Variants in KIF13A observed in about 807,000 individuals in gnomAD.
The protein encoded by KIF13A is kinesin-like protein KIF13A.
A neutral mutation model predicts 212.2 loss-of-function variants in KIF13A; 79 were observed. The observed-to-expected ratio is 0.37, with a 90% confidence interval of 0.31 to 0.45. The LOEUF (loss-of-function observed/expected upper bound fraction) is 0.45, where lower values mean the gene tolerates loss of function less well. Among genes scored for constraint, KIF13A ranks in the 20% least tolerant of loss-of-function variants. The pLI is 1.00. For synonymous variants in KIF13A, 789 were observed against 808.6 expected, an observed-to-expected ratio of 0.98 and a Z score of 0.41; for missense variants, 1,901 against 2,209.0, an observed-to-expected ratio of 0.86 and a Z score of 2.79.
chr6:17,983,651 C>G (rs1781300941), intron 2 of KIF13A, among the ~76,000 whole-genome samples: 1 of 152,084 alleles, frequency 6.6e-6, no homozygotes, highest in Non-Finnish European at 1.5e-5. Flanking sequence ...TACCACTCGG[C>G]TAATTTTTAT....
At chr6:17,836,540 G>T (rs1765968159) in intron 11 of KIF13A, among the ~76,000 whole-genome samples, 1 of 152,202 alleles carries the variant, frequency 6.6e-6, no homozygotes, top group Non-Finnish European at 1.5e-5. Flanking sequence ...GAACCACATT[G>T]AGATGATGTA....
intron 2 of KIF13A, among the ~76,000 whole-genome samples, chr6:17,933,019 T>C (rs1339477007): frequency 6.6e-6 from 1 of 152,142 alleles, no homozygotes; most frequent in Non-Finnish European, 1.5e-5. Flanking sequence ...TAATTCACAG[T>C]AAGATAAGAA....
At position 17,856,625 on chromosome 6, in the gene KIF13A, G is replaced by A. The variant is rs1284626264; in HGVS notation, c.221-503C>T. Among the ~76,000 whole-genome samples, 1 of 152,146 alleles carries A rather than the reference G, an allele frequency of 6.6e-6. No homozygotes were observed. The highest frequency in any genetic ancestry group is 6.5e-5 in the Admixed American group (1 of 15,274). ...TTCAGCTGCTGTTTGTAGATTCACA[G>A]GCACCCGTCACCTGTGTCCCCACAG... On this transcript the variant is annotated intron_variant, in intron 4 of 38. Transcript: ENST00000259711. The surrounding 1 kb of genome is among the most constrained non-coding windows in gnomAD (Gnocchi z 4.5).
At chr6:17,911,945 AG>A (rs1774107086) in intron 2 of KIF13A, among the ~76,000 whole-genome samples, 2 of 152,022 alleles carry the variant, frequency 1.3e-5, no homozygotes, top group African/African-American at 2.4e-5. Flanking sequence ...TTTGTATTTT[AG>A]TAGAGACGGG....
chr6:17,808,205 G>C (rs1266270681), intron 18 of KIF13A, among the ~76,000 whole-genome samples: 3 of 152,280 alleles, frequency 2.0e-5, no homozygotes, highest in African/African-American at 7.2e-5. Context: ...GGCCAATATG[G>C]CAAAACCCTG....
chr6:17,819,884 G>A (rs1166690596), intron 16 of KIF13A, among the ~76,000 whole-genome samples: 2 of 151,946 alleles, frequency 1.3e-5, no homozygotes, highest in African/African-American at 4.8e-5. Context: ...GAAAGGACAG[G>A]GTGCTACAGT....
intron 2 of KIF13A, among the ~76,000 whole-genome samples, chr6:17,955,476 T>C (rs770578984): frequency 6.6e-6 from 1 of 152,224 alleles, no homozygotes; most frequent in East Asian, 1.9e-4. Context: ...AAATTACCTA[T>C]ACAATAAGTA....
At chr6:17,942,451 T>A (rs1171785823) in intron 2 of KIF13A, among the ~76,000 whole-genome samples, 1 of 152,136 alleles carries the variant, frequency 6.6e-6, no homozygotes, top group Non-Finnish European at 1.5e-5. Flanking sequence ...ATTAGCTGTA[T>A]AATTTCCAAA....
chr6:17,796,014 T>G (rs1273215086), intron 23 of KIF13A, among the ~76,000 whole-genome samples: 1 of 152,206 alleles, frequency 6.6e-6, no homozygotes, highest in Non-Finnish European at 1.5e-5. Flanking sequence ...GAGATGTAGT[T>G]GTTTCAGTCT....
rs1480910293 is a variant in KIF13A at position 17,799,598 on chromosome 6, T to G, written c.2617-159A>C. Among the ~76,000 whole-genome samples the G allele has an allele frequency of 6.6e-6, 1 of 152,188 alleles. No individual in the cohort carries two copies. Among genetic ancestry groups the G allele is most frequent in the African/African-American group, 2.4e-5 (1 of 41,460 alleles). ...ACCGTGACACTAAGGGTTGTATCGA[T>G]AATGAAATCTGTACCACAGTTCTGT... On this transcript the variant is annotated intron_variant, in intron 21 of 38. Coordinates refer to ENST00000259711, the MANE Select transcript of KIF13A (RefSeq NM_022113.6). The surrounding 1 kb of genome is among the most constrained non-coding windows in gnomAD (Gnocchi z 4.4).
rs1300082220 is a variant in KIF13A, at chr6:17,779,035, C to T, written c.4004G>A (p.Gly1335Asp). The T allele has an allele frequency of 2.5e-6, 4 of 1,613,694 alleles. No individual in the cohort carries two copies. Among genetic ancestry groups the T allele is most frequent in the Non-Finnish European group, 3.4e-6 (4 of 1,179,830 alleles). ...ALLAARSENE[G>D]TSDGETYIEK... ...AATGTACGTCTCCCCATCTGATGTG[C>T]CTTCGTTTTCACTCCTTGCTGCCAG... Residue 1335 changes from glycine to aspartate, a missense_variant, in exon 33 of 39, where the codon GGC (glycine) becomes GAC (aspartate). Transcript: ENST00000259711.
chr6:17,950,104 A>T (rs1258079516), intron 2 of KIF13A, among the ~76,000 whole-genome samples: 2 of 152,158 alleles, frequency 1.3e-5, no homozygotes, highest in Non-Finnish European at 2.9e-5. Context: ...TTTTCCTAGG[A>T]TATATAGTCT....
Position 17,899,459 on chromosome 6 carries a change from G to A in KIF13A, c.147-1279C>T, listed in dbSNP as rs2150484438. Among the ~76,000 whole-genome samples, 1 of 152,252 alleles carries A rather than the reference G, an allele frequency of 6.6e-6. No individual in the cohort carries two copies. Among genetic ancestry groups the A allele is most frequent in the African/African-American group, 2.4e-5 (1 of 41,552 alleles). ...AGCAGGATGCTTTTTCTCCATCACTGGGTGCGACACTCCTTACAGAGCTCT... is the reference window on the plus strand; with the variant it reads ...AGCAGGATGCTTTTTCTCCATCACTAGGTGCGACACTCCTTACAGAGCTCT... On this transcript the variant is annotated intron_variant, in intron 2 of 38. Coordinates refer to ENST00000259711, the MANE Select transcript of KIF13A (RefSeq NM_022113.6). This position sits in a 1 kb window ranked among gnomAD's most constrained non-coding sequence, Gnocchi z 5.2.
rs1367513260 is a variant in KIF13A, at chr6:17,849,483, C to T, written c.724G>A (p.Gly242Arg). 12 of 1,612,252 alleles carry T rather than the reference C, an allele frequency of 7.4e-6. No individual in the cohort carries two copies. Among genetic ancestry groups the T allele is most frequent in the Admixed American group, 1.7e-5 (1 of 59,854 alleles). Residue 242 changes from glycine (G) to arginine (R), a missense_variant, in exon 9 of 39, where the codon GGG (glycine) becomes AGG (arginine). By Grantham distance (125) the Gly-to-Arg change is moderately radical. Transcript: ENST00000259711. This position sits in a 1 kb window ranked among gnomAD's most constrained non-coding sequence, Gnocchi z 5.7. Reference sequence around the variant, plus strand: ...AAGCTGACCTTACTGACTTTCTCCCCGGAATTCTAGTTATAGGAAACGAGA... The same window carrying T: ...AAGCTGACCTTACTGACTTTCTCCCTGGAATTCTAGTTATAGGAAACGAGA... ...TLYDLQSGNS[G>R]EKVSKVSLVD... is the part of the protein sequence containing the mutation.
At chr6:17,921,463 A>C (rs1218442061) in intron 2 of KIF13A, among the ~76,000 whole-genome samples, 2 of 152,252 alleles carry the variant, frequency 1.3e-5, no homozygotes, top group South Asian at 4.1e-4. Context: ...TCAGAGGACC[A>C]TAACAATGAT....
At position 17,785,425 on chromosome 6, in the gene KIF13A, TG is replaced by T; in HGVS notation, c.3488+89del. ...TAGTTCAGCTGGTTGGCATTTTCTGTGACAATCCTGGAAAGTCTCTTGCATG... is the reference window on the plus strand; with the variant it reads ...TAGTTCAGCTGGTTGGCATTTTCTGTACAATCCTGGAAAGTCTCTTGCATG... On this transcript the variant is annotated intron_variant, in intron 28 of 38. Transcript: ENST00000259711. This position sits in a 1 kb window ranked among gnomAD's most constrained non-coding sequence, Gnocchi z 5.8. 2 of 1,373,652 alleles carry T rather than the reference TG, an allele frequency of 1.5e-6. No homozygotes were observed. Among genetic ancestry groups the T allele is most frequent in the Admixed American group, 3.2e-5 (1 of 30,916 alleles). The allele number at this position is 1,373,652 out of a possible 1,614,324, so 85.1% of individuals were successfully genotyped here. A position where few individuals can be genotyped will look rare whatever the true frequency, so the allele number is the denominator to read the frequency against.
rs1440441635 is a variant in KIF13A, at chr6:17,764,633, G to A, written c.4895C>T (p.Ser1632Phe). 1.2e-6 allele frequency: 2 copies of A among 1,613,530 alleles called. No individual in the cohort carries two copies. Among genetic ancestry groups the A allele is most frequent in the African/African-American group, 1.3e-5 (1 of 74,772 alleles). ...AAGCGATGGTGTGGAGTGCTCGGTG[G>A]AGTCTGCATCCTTCGTCTGAATGGC... is the stretch of plus-strand genomic sequence containing the variant. ...QLAIQTKDAD[S>F]TEHSTPSLVH... is the part of the protein sequence containing the mutation. The change falls in exon 39 of 39, where the codon TCC (serine) becomes TTC (phenylalanine). Residue 1632 changes from serine to phenylalanine, a missense_variant. Physicochemically the swap from Ser to Phe is radical, Grantham distance 155. Around this residue, in one of 5 missense-constraint regions of KIF13A, gnomAD observed 687 missense variants for 759.1 expected, o/e 0.90. Transcript: ENST00000259711. This position sits in a 1 kb window ranked among gnomAD's most constrained non-coding sequence, Gnocchi z 5.1.
At chr6:17,805,410 G>GTGTGTGTGTGTTT in intron 19 of KIF13A, 65 bp downstream of exon 19, 2 of 928,928 alleles carry the variant, frequency 2.2e-6, no homozygotes, top group Non-Finnish European at 3.2e-6. Context: ...TGTGTGTGTT[G>GTGTGTGTGTGTTT]CTAAATCGCT....
chr6:17,917,398 G>A (rs772621147), intron 2 of KIF13A, among the ~76,000 whole-genome samples: 5 of 151,264 alleles, frequency 3.3e-5, no homozygotes, highest in Admixed American at 1.3e-4. Context: ...CCGCCACCAC[G>A]CCCAGCTAAC....
Sources: gnomAD v4.1 joint callset for allele counts (sites outside exome capture counted in the v4.1 genomes callset) on GRCh38, gnomAD v4.1.1 for gene constraint, gnomAD v4.1.1 regional missense constraint, Gnocchi (gnomAD v3.1) non-coding constraint, MANE v1.5 for transcripts, NCBI Gene and HGNC (gene_info 2026-07-23, HGNC 2026-07-21) for gene names.